Variants in MMP26 observed in about 807,000 individuals in gnomAD.
MMP26 encodes matrix metallopeptidase 26.
MMP26 carries 33 observed loss-of-function variants against 31.0 expected under a neutral mutation model. The observed-to-expected ratio is 1.06, with a 90% CI of 0.81 to 1.42. MMP26 has a LOEUF of 1.42. MMP26 is among the 40% of genes most tolerant of loss of function. MMP26 has a pLI of 0.00. For synonymous variants in MMP26, 122 were observed against 114.9 expected, an observed-to-expected ratio of 1.06 and a Z score of -0.40; for missense variants, 347 against 316.1, an observed-to-expected ratio of 1.10 and a Z score of -0.74.
At chr11:4,935,059 G>C (rs1230236376) in intron 2 of MMP26, among the ~76,000 whole-genome samples, 39 of 151,726 alleles carry the variant, frequency 2.6e-4, no homozygotes, top group Non-Finnish European at 4.6e-4. Flanking sequence ...GGCAATGTGG[G>C]CTCTTTTTTG....
rs745776105 is a variant in MMP26, at chr11:4,992,205, T to A, written c.758-9T>A. ...AATTTACTGTTGTTTTTTTTTTCTG[T>A]TTCCATAGGAGAAAAATGTTCATCT... On this transcript the variant is annotated splice_polypyrimidine_tract_variant and intron_variant, in intron 7 of 7. Coordinates refer to ENST00000380390, the MANE Select transcript of MMP26 (RefSeq NM_021801.5). 1 of 1,609,286 alleles carries A rather than the reference T, an allele frequency of 6.2e-7. No homozygotes were observed. The highest frequency in any genetic ancestry group is 8.5e-7 in the Non-Finnish European group (1 of 1,177,782).
intron 2 of MMP26, chr11:4,915,440 T>A (rs753083853): frequency 6.2e-7 from 1 of 1,613,974 alleles, no homozygotes; most frequent in South Asian, 1.1e-5. Context: ...GAGACCCAGG[T>A]CAATCAGAGC....
At chr11:4,911,348 C>T (rs994137192) in intron 2 of MMP26, among the ~76,000 whole-genome samples, 1 of 152,128 alleles carries the variant, frequency 6.6e-6, no homozygotes, top group African/African-American at 2.4e-5. Flanking sequence ...TAGATCATCC[C>T]AAGTTGCAAA....
intron 2 of MMP26, chr11:4,924,117 G>C (rs1851231577): frequency 6.2e-7 from 1 of 1,614,130 alleles, no homozygotes; most frequent in Non-Finnish European, 8.5e-7. Context: ...GAAAGGCAAA[G>C]GCCTAAGTCT....
chr11:4,731,721 T>C (rs1564896802), intron 1 of MMP26, among the ~76,000 whole-genome samples: 1 of 152,246 alleles, frequency 6.6e-6, no homozygotes, highest in Non-Finnish European at 1.5e-5. Flanking sequence ...TGCATGCACA[T>C]GTGTGGGTTC....
intron 1 of MMP26, among the ~76,000 whole-genome samples, chr11:4,758,692 AAAT>A (rs1181324922): frequency 6.6e-6 from 1 of 152,184 alleles, no homozygotes; most frequent in Non-Finnish European, 1.5e-5. Flanking sequence ...GGTAAAATTC[AAAT>A]AATTGTTTTA....
rs181404701 is a variant in MMP26 at position 4,933,680 on chromosome 11, G to C, written c.-144-54388G>C. 2.7e-5 allele frequency among the ~76,000 whole-genome samples: 4 copies of C among 150,438 alleles called. No homozygotes were observed. The East Asian group carries it at 7.9e-4, about 30-fold the overall frequency. On this transcript the variant is annotated intron_variant, in intron 2 of 7. Coordinates refer to ENST00000380390, the MANE Select transcript of MMP26 (RefSeq NM_021801.5). ...GCTGGTGCGCTGCACCCACTAACTC[G>C]TCATCTAGCATTAGGTATATCTCCC... is the stretch of plus-strand genomic sequence containing the variant.
At chr11:4,836,651 C>CTTTT (rs71480270) in intron 2 of MMP26, among the ~76,000 whole-genome samples, 6 of 95,960 alleles carry the variant, frequency 6.3e-5, no homozygotes, top group Non-Finnish European at 1.2e-4. Context: ...TCAAAGACAT[C>CTTTT]TTTTTTTTTT....
In MMP26 at chr11:4,988,170, T is replaced by G. The variant is rs1336428765; in HGVS notation, c.-42T>G. The G allele has an allele frequency of 6.4e-7, 1 of 1,568,198 alleles. No homozygotes were observed. The highest frequency in any genetic ancestry group is 8.8e-7 in the Non-Finnish European group (1 of 1,138,322). ...GCTATAAAGATCCAGTGGCCCAAGTTGTGTACCTGAATTCAAGCAGTGGGA... is the reference window on the plus strand; with the variant it reads ...GCTATAAAGATCCAGTGGCCCAAGTGGTGTACCTGAATTCAAGCAGTGGGA... On this transcript the variant is annotated 5_prime_UTR_variant, in exon 3 of 8. Coordinates refer to ENST00000380390, the MANE Select transcript of MMP26 (RefSeq NM_021801.5).
In MMP26 at chr11:4,907,364, C is replaced by T. The variant is rs778130633; in HGVS notation, c.-144-80704C>T. The stretch of plus-strand genomic sequence containing the variant: ...ATCCGGCTAACGAGCTCATATCTCC[C>T]TCATTATGTCTGTTCTCAATAACTC... On this transcript the variant is annotated intron_variant, in intron 2 of 7. Coordinates refer to ENST00000380390, the MANE Select transcript of MMP26 (RefSeq NM_021801.5). The T allele has an allele frequency of 1.3e-5, 20 of 1,589,016 alleles. No individual in the cohort carries two copies. In the Middle Eastern group the frequency reaches 5.1e-4, roughly 41 times the overall value.
chr11:4,816,735 G>A (rs77859495), intron 2 of MMP26, among the ~76,000 whole-genome samples: 13,188 of 119,268 alleles, frequency 0.11, 813 homozygotes, highest in Middle Eastern at 0.28. Context: ...ATAGAGTCTC[G>A]CTCTATTGCC....
At chr11:4,804,791 AAAAAC>A (rs1849242233) in intron 2 of MMP26, among the ~76,000 whole-genome samples, 2 of 145,316 alleles carry the variant, frequency 1.4e-5, no homozygotes, top group African/African-American at 5.1e-5. Context: ...TTAAAAATAC[AAAAAC>A]AAAACAAAAC....
intron 2 of MMP26, among the ~76,000 whole-genome samples, chr11:4,799,512 A>G (rs1849153603): frequency 6.6e-6 from 1 of 152,186 alleles, no homozygotes; most frequent in Admixed American, 6.5e-5. Context: ...AATGTTGGGG[A>G]TCACATTTCA....
In MMP26 at chr11:4,759,213, C is replaced by G. The variant is rs932610427; in HGVS notation, c.-216-8057C>G. Reference sequence around the variant, plus strand: ...AGTTAATACAGGAAGAATTTTCAGTCTCACAGTCAGCCAAAGAAATGCTAA... The same window carrying G: ...AGTTAATACAGGAAGAATTTTCAGTGTCACAGTCAGCCAAAGAAATGCTAA... On this transcript the variant is annotated intron_variant, in intron 1 of 7. Transcript: ENST00000380390. Among the ~76,000 whole-genome samples the G allele has an allele frequency of 5.8e-4, 87 of 151,024 alleles. 2 individuals are homozygous for G. Among genetic ancestry groups the G allele is most frequent in the Non-Finnish European group, 1.2e-4 (8 of 67,814 alleles).
At chr11:4,971,951 G>A (rs775715334) in intron 2 of MMP26, among the ~76,000 whole-genome samples, 4 of 152,068 alleles carry the variant, frequency 2.6e-5, no homozygotes, top group Non-Finnish European at 4.4e-5. Flanking sequence ...ATGGTACCAC[G>A]CCCTTCATGA....
At chr11:4,769,321 G>A (rs1298837900) in intron 2 of MMP26, 8 of 1,613,180 alleles carry the variant, frequency 5.0e-6, no homozygotes, top group Non-Finnish European at 5.9e-6. Context: ...TTAATCCACA[G>A]ATGCTATTTG....
At chr11:4,734,522 G>A (rs777067240) in intron 1 of MMP26, among the ~76,000 whole-genome samples, 1 of 151,988 alleles carries the variant, frequency 6.6e-6, no homozygotes, top group African/African-American at 2.4e-5. Flanking sequence ...ATTTACAGCT[G>A]TACATTTTCC....
At chr11:4,803,300 G>A in intron 2 of MMP26, 1 of 629,684 alleles carries the variant, frequency 1.6e-6, no homozygotes, top group East Asian at 2.8e-5. Flanking sequence ...CTTGCCTCTA[G>A]AGGGTTGCTT....
rs1194074123 is a variant in MMP26 at position 4,986,932 on chromosome 11, C to CCT, written c.-144-1110_-144-1109dup. ...CTCTCTCTCTCTCTCTCTCTCTCTC[C>CCT]CTCTCTCTCTCTCTCTCTCTCTCTC... On this transcript the variant is annotated intron_variant, in intron 2 of 7. Transcript: ENST00000380390. Among the ~76,000 whole-genome samples, 592 of 60,400 alleles carry CCT rather than the reference C, an allele frequency of 9.8e-3. 8 individuals carry two copies. The highest frequency in any genetic ancestry group is 0.015 in the African/African-American group (211 of 14,170). The allele number at this position is 60,400 out of a possible 152,430, so 39.6% of individuals were successfully genotyped here.
Sources: allele counts gnomAD v4.1 joint callset (sites outside exome capture counted in the v4.1 genomes callset), GRCh38; gene constraint gnomAD v4.1.1; transcripts MANE v1.5; gene names NCBI Gene and HGNC (gene_info 2026-07-23, HGNC 2026-07-21).